The following ARNT variants were observed in gnomAD, a reference collection of about 807,000 sequenced individuals.
ARNT encodes class E basic helix-loop-helix protein 2.
A neutral mutation model predicts 105.0 loss-of-function variants in ARNT; 30 were observed. The ratio of observed to expected loss-of-function variants is 0.29; its 90% CI spans 0.21 to 0.39. ARNT has a LOEUF of 0.39. Ranked by LOEUF, ARNT falls within the 10% of genes least tolerant of loss-of-function variation. The pLI is 1.00. For synonymous variants in ARNT, 304 were observed against 344.0 expected (o/e 0.88, Z 1.29); for missense variants, 748 against 978.7 (o/e 0.76, Z 3.15).
Position 150,854,050 on chromosome 1 carries a change from C to G in ARNT, c.138-1244G>C, listed in dbSNP as rs1284295233. On this transcript the variant is annotated intron_variant, in intron 2 of 21. Transcript: ENST00000358595. ...TCACCTGTAAAATCCTATCTATCTACCCAGTAACTCAAATTCTTTCTTTCT... is the reference window on the plus strand; with the variant it reads ...TCACCTGTAAAATCCTATCTATCTAGCCAGTAACTCAAATTCTTTCTTTCT... 5.3e-5 allele frequency among the ~76,000 whole-genome samples: 8 copies of G among 152,148 alleles called. No homozygotes were observed. The South Asian group carries it at 6.2e-4, about 12-fold the overall frequency.
chr1:150,823,977 A>G (rs1397435129), intron 13 of ARNT, among the ~76,000 whole-genome samples: 1 of 134,750 alleles, frequency 7.4e-6, no homozygotes, highest in African/African-American at 2.8e-5. Context: ...CAAGTAGCTG[A>G]GATTATAGGC....
At chr1:150,842,523 A>AG (rs1661474043) in intron 4 of ARNT, 55 bp from the exon 5 acceptor site, 1 of 1,099,426 alleles carries the variant, frequency 9.1e-7, no homozygotes, top group Admixed American at 1.9e-5. Flanking sequence ...GAAGGAAGGA[A>AG]GGGGGGAGGG....
intron 7 of ARNT, 70 bp downstream of exon 7, chr1:150,836,210 A>T: frequency 6.7e-7 from 1 of 1,485,072 alleles, no homozygotes; most frequent in Non-Finnish European, 9.3e-7. Context: ...AACAGCTAAA[A>T]CATCTCTTAA....
rs145809333 is a variant in ARNT, at chr1:150,858,417, A to G, written c.69T>C (p.Ser23=). ...DVPSLGPAIA[S]GNSGPGIQGG... Reference sequence around the variant, plus strand: ...CTTGAATTCCAGGTCCAGAGTTTCCAGAGGCAATGGCTGGACCCAGTGATG... The same window carrying G: ...CTTGAATTCCAGGTCCAGAGTTTCCGGAGGCAATGGCTGGACCCAGTGATG... The change falls in exon 2 of 22, where the codon TCT becomes TCC. Residue 23 remains serine, a synonymous_variant. Transcript: ENST00000358595. The G allele has an allele frequency of 5.0e-6, 8 of 1,610,276 alleles. No individual in the cohort carries two copies. Among genetic ancestry groups the G allele is most frequent in the Non-Finnish European group, 5.9e-6 (7 of 1,178,182 alleles).
At chr1:150,863,769 C>T (rs1473953415) in intron 1 of ARNT, among the ~76,000 whole-genome samples, 1 of 151,128 alleles carries the variant, frequency 6.6e-6, no homozygotes, top group Non-Finnish European at 1.5e-5. Context: ...GTGAGCCAAT[C>T]GAGCCACTGA....
chr1:150,817,598 A>G (rs1315590031), intron 15 of ARNT, 165 bp from the exon 16 acceptor site: 3 of 669,488 alleles, frequency 4.5e-6, no homozygotes, highest in African/African-American at 3.6e-5. Flanking sequence ...ACCTGAGGTC[A>G]GGAGTTCGAC....
intron 21 of ARNT, 21 bp downstream of exon 21, chr1:150,813,151 A>G (rs761891026): frequency 1.9e-6 from 3 of 1,604,722 alleles, no homozygotes; most frequent in South Asian, 2.2e-5. Flanking sequence ...CTAATTTTTG[A>G]AAGTCTTTTC....
intron 2 of ARNT, chr1:150,853,023 G>A (rs1663916148): frequency 1.8e-6 from 1 of 563,740 alleles, no homozygotes; most frequent in Non-Finnish European, 3.2e-6. Context: ...GCTCACGCCT[G>A]TAATCCCAGC....
chr1:150,857,655 C>T (rs1415489616), intron 2 of ARNT, among the ~76,000 whole-genome samples: 1 of 152,088 alleles, frequency 6.6e-6, no homozygotes, highest in Non-Finnish European at 1.5e-5. Flanking sequence ...TCTTCCAGGC[C>T]CCTCTAAGGC....
chr1:150,843,206 T>C (rs1661581042), intron 4 of ARNT, among the ~76,000 whole-genome samples: 1 of 152,190 alleles, frequency 6.6e-6, no homozygotes, highest in South Asian at 2.1e-4. Context: ...GGATCAAAAG[T>C]AACAATTCCC....
At chr1:150,844,356 C>T (rs1382249965) in intron 4 of ARNT, among the ~76,000 whole-genome samples, 2 of 152,150 alleles carry the variant, frequency 1.3e-5, no homozygotes, top group Non-Finnish European at 2.9e-5. Flanking sequence ...CAGTCCATCC[C>T]TTTAATCAAT....
chr1:150,841,948 G>A (rs1661368542), intron 5 of ARNT, among the ~76,000 whole-genome samples: 1 of 152,238 alleles, frequency 6.6e-6, no homozygotes, highest in Non-Finnish European at 1.5e-5. Context: ...CACTAGTTCT[G>A]TTGTGAGAAT....
chr1:150,842,209 T>G, intron 5 of ARNT: 2 of 957,316 alleles, frequency 2.1e-6, no homozygotes, highest in Non-Finnish European at 2.5e-6. Flanking sequence ...AATAGCAATT[T>G]CTTAAATCCC....
intron 1 of ARNT, among the ~76,000 whole-genome samples, chr1:150,862,713 A>T (rs374455395): frequency 1.7e-4 from 6 of 36,338 alleles, no homozygotes; most frequent in African/African-American, 9.9e-4. Flanking sequence ...CTGCCTCTGT[A>T]AAAAAAAAAA....
chr1:150,875,964 G>C (rs1333863925), intron 1 of ARNT, among the ~76,000 whole-genome samples: 1 of 152,160 alleles, frequency 6.6e-6, no homozygotes, highest in Non-Finnish European at 1.5e-5. Context: ...AAGTTTCAAA[G>C]TATAGTCCGG....
chr1:150,873,301 C>CA (rs1348945240), intron 1 of ARNT, among the ~76,000 whole-genome samples: 26 of 101,344 alleles, frequency 2.6e-4, no homozygotes, highest in Admixed American at 7.8e-4. Context: ...AACAAACAAA[C>CA]AAACAAAAAA....
intron 4 of ARNT, 56 bp from the exon 5 acceptor site, chr1:150,842,524 G>C: frequency 6.6e-7 from 1 of 1,519,636 alleles, no homozygotes; most frequent in Non-Finnish European, 9.1e-7. Context: ...AAGGAAGGAA[G>C]GGGGGAGGGA....
chr1:150,822,717 A>T (rs1415060243), intron 14 of ARNT, among the ~76,000 whole-genome samples: 1 of 152,182 alleles, frequency 6.6e-6, no homozygotes, highest in Non-Finnish European at 1.5e-5. Flanking sequence ...GAACCCAAGT[A>T]GGGGGTCATG....
chr1:150,866,576 T>G (rs1038662695), intron 1 of ARNT, among the ~76,000 whole-genome samples: 3 of 152,190 alleles, frequency 2.0e-5, no homozygotes, highest in African/African-American at 7.2e-5. Flanking sequence ...AGCAGAGGAC[T>G]CCCTTATAAT....
Sources: allele counts gnomAD v4.1 joint callset (sites outside exome capture counted in the v4.1 genomes callset), GRCh38; gene constraint gnomAD v4.1.1; transcripts MANE v1.5; gene names NCBI Gene and HGNC (gene_info 2026-07-23, HGNC 2026-07-21).